Variants in LRRCC1 observed in about 807,000 individuals in gnomAD.
LRRCC1 encodes the protein leucine-rich repeat and coiled-coil domain-containing protein 1.
LRRCC1 carries 115 observed loss-of-function variants against 126.0 expected under a neutral mutation model. The observed-to-expected ratio is 0.91, with a 90% CI of 0.78 to 1.07. The LOEUF is 1.07. Among genes scored for constraint, LRRCC1 ranks in the 50% least tolerant of loss-of-function variants. The pLI is 0.00. For synonymous variants in LRRCC1, 400 were observed against 393.4 expected, an observed-to-expected ratio of 1.02 and a Z score of -0.20; for missense variants, 1,172 against 1,175.7, an observed-to-expected ratio of 1.00 and a Z score of 0.05.
At chr8:85,129,640 T>C (rs901462848) in intron 10 of LRRCC1, among the ~76,000 whole-genome samples, 27 of 152,240 alleles carry the variant, frequency 1.8e-4, no homozygotes, top group Non-Finnish European at 3.8e-4. Context: ...GAGCTGGCTT[T>C]TTAAAAGGCT....
intron 2 of LRRCC1, 149 bp downstream of exon 2, chr8:85,109,949 A>G: frequency 1.6e-6 from 1 of 629,436 alleles, no homozygotes; most frequent in Non-Finnish European, 2.6e-6. Flanking sequence ...AAAAGTGTCA[A>G]TTTTTTAAAA....
At chr8:85,131,690 G>C in intron 11 of LRRCC1, 70 bp from the exon 12 acceptor site, 2 of 1,205,050 alleles carry the variant, frequency 1.7e-6, no homozygotes, top group Non-Finnish European at 2.3e-6. Context: ...TAAGAACTAC[G>C]TAAAGACCTT....
chr8:85,142,928 A>C (rs188307942), intron 18 of LRRCC1, among the ~76,000 whole-genome samples: 2 of 152,216 alleles, frequency 1.3e-5, no homozygotes, highest in African/African-American at 4.8e-5. Flanking sequence ...AAAAAGAGGG[A>C]GTGAGGTCTT....
chr8:85,133,276 G>C (rs1218741750), intron 12 of LRRCC1, among the ~76,000 whole-genome samples: 1 of 152,102 alleles, frequency 6.6e-6, no homozygotes, highest in Non-Finnish European at 1.5e-5. Context: ...TTCTTTGCTT[G>C]GTTTCCAGCA....
At chr8:85,120,508 A>T (rs1275822312) in intron 6 of LRRCC1, among the ~76,000 whole-genome samples, 2 of 152,144 alleles carry the variant, frequency 1.3e-5, no homozygotes, top group African/African-American at 4.8e-5. Flanking sequence ...GTTCCTCTTT[A>T]TCTAACAGCC....
Position 85,130,010 on chromosome 8 carries a change from A to G in LRRCC1, c.1718A>G (p.Gln573Arg), listed in dbSNP as rs762422498. 1 of 1,600,718 alleles carries G rather than the reference A, an allele frequency of 6.2e-7. No homozygotes were observed. Among genetic ancestry groups the G allele is most frequent in the South Asian group, 1.1e-5 (1 of 88,576 alleles). ...LRTSLHRERE[Q>R]AQQLHQLLAL... ...ACTTCCCTTCATCGAGAAAGAGAAC[A>G]AGCGCAACAACTTCATCAACTTCTT... The change falls in exon 11 of 19, where the codon CAA becomes CGA. Residue 573 changes from glutamine (Q) to arginine (R), a missense_variant. Physicochemically the swap from Gln to Arg is conservative, Grantham distance 43 (BLOSUM62 1). Transcript: ENST00000360375.
At chr8:85,118,914 C>A (rs1283904874) in intron 6 of LRRCC1, among the ~76,000 whole-genome samples, 2 of 151,852 alleles carry the variant, frequency 1.3e-5, no homozygotes, top group African/African-American at 4.8e-5. Context: ...TTGTTTTCTG[C>A]AACTTTAAAA....
chr8:85,115,358 T>C lies in LRRCC1; in HGVS notation c.721-17T>C. ...GAATATAAATTAAAAGGATTTTGGT[T>C]TGTTTCTGTGTCATAGATCATTGAT... On this transcript the variant is annotated splice_polypyrimidine_tract_variant and intron_variant, in intron 5 of 18. Transcript: ENST00000360375. 1 of 1,597,434 alleles carries C rather than the reference T, an allele frequency of 6.3e-7. No individual in the cohort carries two copies. The highest frequency in any genetic ancestry group is 1.1e-5 in the South Asian group (1 of 87,922).
intron 6 of LRRCC1, among the ~76,000 whole-genome samples, chr8:85,121,378 C>T (rs1232112151): frequency 6.6e-6 from 1 of 151,950 alleles, no homozygotes; most frequent in Non-Finnish European, 1.5e-5. Flanking sequence ...TCCTTTCCTA[C>T]TTTCTGTTGG....
Position 85,145,768 on chromosome 8 carries a change from ATTGT to A in LRRCC1, c.*261_*264del, listed in dbSNP as rs1197522395. ...TATTTTTCTTGTTTCTGTACTATAC[ATTGT>A]TTGGTAATTACACATTTGCCTACAA... On this transcript the variant is annotated 3_prime_UTR_variant, in exon 19 of 19. Coordinates refer to ENST00000360375, the MANE Select transcript of LRRCC1 (RefSeq NM_033402.5). 14 of 196,426 alleles carry A rather than the reference ATTGT, an allele frequency of 7.1e-5. No individual in the cohort carries two copies. The highest frequency in any genetic ancestry group is 1.2e-4 in the Admixed American group (2 of 16,328). 12.2% of individuals were successfully genotyped at this position (196,426 alleles called of 1,614,324 possible). A position where few individuals can be genotyped will look rare whatever the true frequency, so the allele number is the denominator to read the frequency against.
intron 6 of LRRCC1, among the ~76,000 whole-genome samples, chr8:85,122,347 C>T (rs984030918): frequency 6.6e-6 from 1 of 152,166 alleles, no homozygotes; most frequent in African/African-American, 2.4e-5. Context: ...GCTCCATTCT[C>T]TCTTCTCTTT....
Position 85,145,955 on chromosome 8 carries a change from CTGTATGATAAAAGA to C in LRRCC1, c.*448_*461del. ...TATGTAGCCAAAAAGCATTTGAAAT[CTGTATGATAAAAGA>C]TGTGGCATTCTTAAGAAAGTATATG... On this transcript the variant is annotated 3_prime_UTR_variant, in exon 19 of 19. Coordinates refer to ENST00000360375, the MANE Select transcript of LRRCC1 (RefSeq NM_033402.5). 1 of 152,534 alleles carries C rather than the reference CTGTATGATAAAAGA, an allele frequency of 6.6e-6. No homozygotes were observed. The highest frequency in any genetic ancestry group is 6.5e-5 in the Admixed American group (1 of 15,298). 9.4% of individuals were successfully genotyped at this position (152,534 alleles called of 1,614,324 possible). A position where few individuals can be genotyped will look rare whatever the true frequency, so the allele number is the denominator to read the frequency against.
chr8:85,112,832 CCGTTT>C lies in LRRCC1; in HGVS notation c.377-99_377-95del, dbSNP rs1243923279. ...TGTTCACAGCAAGATCTAATGCTGC[CCGTTT>C]GCCTCTAAAAGTATAACCTATCTAG... On this transcript the variant is annotated intron_variant, in intron 3 of 18. Transcript: ENST00000360375. The C allele has an allele frequency of 8.2e-6, 6 of 732,966 alleles. No homozygotes were observed. The African/African-American group carries it at 1.1e-4, about 13-fold the overall frequency. The allele number at this position is 732,966 out of a possible 1,614,324, so 45.4% of individuals were successfully genotyped here.
At chr8:85,133,321 C>T (rs1046456885) in intron 12 of LRRCC1, among the ~76,000 whole-genome samples, 8 of 152,152 alleles carry the variant, frequency 5.3e-5, no homozygotes, top group Admixed American at 2.6e-4. Context: ...CTTTCCATTA[C>T]GTCACTTCTT....
At position 85,107,342 on chromosome 8, in the gene LRRCC1, A is replaced by G. The variant is rs1317203764; in HGVS notation, c.47A>G (p.Asn16Ser). ...GTGGCGGCAGAGGCGGAAGTGGAAA[A>G]CGAAGACGGCGACAGCAGCTGCGGG... ...AVVAAEAEVE[N>S]EDGDSSCGDV... Residue 16 changes from asparagine to serine, a missense_variant, in exon 1 of 19, where the codon AAC (asparagine) becomes AGC (serine). Transcript: ENST00000360375. 4 of 1,613,668 alleles carry G rather than the reference A, an allele frequency of 2.5e-6. No individual in the cohort carries two copies. The African/African-American group carries it at 5.3e-5, about 22-fold the overall frequency.
At chr8:85,131,684 A>G in intron 11 of LRRCC1, 76 bp from the exon 12 acceptor site, 1 of 1,091,722 alleles carries the variant, frequency 9.2e-7, no homozygotes, top group Non-Finnish European at 1.3e-6. Context: ...GAATATTAAG[A>G]ACTACGTAAA....
chr8:85,125,903 A>G (rs1430773115), intron 8 of LRRCC1, among the ~76,000 whole-genome samples: 1 of 152,084 alleles, frequency 6.6e-6, no homozygotes, highest in Non-Finnish European at 1.5e-5. Context: ...TTGAAAAATA[A>G]TAATTATCAT....
At position 85,107,338 on chromosome 8, in the gene LRRCC1, G is replaced by A; in HGVS notation, c.43G>A (p.Glu15Lys). The change falls in exon 1 of 19, where the codon GAA becomes AAA. Residue 15 changes from glutamate to lysine, a missense_variant. By Grantham distance (56) the Glu-to-Lys change is moderately conservative (BLOSUM62 1). Coordinates refer to ENST00000360375, the MANE Select transcript of LRRCC1 (RefSeq NM_033402.5). ...GGTGGTGGCGGCAGAGGCGGAAGTG[G>A]AAAACGAAGACGGCGACAGCAGCTG... ...AAVVAAEAEV[E>K]NEDGDSSCGD... The A allele has an allele frequency of 1.2e-6, 2 of 1,613,810 alleles. No individual in the cohort carries two copies. The highest frequency in any genetic ancestry group is 1.7e-6 in the Non-Finnish European group (2 of 1,179,816).
chr8:85,130,514 G>A (rs1052898613), intron 11 of LRRCC1, among the ~76,000 whole-genome samples: 4 of 152,046 alleles, frequency 2.6e-5, no homozygotes, highest in African/African-American at 7.2e-5. Context: ...GGAAAATGCC[G>A]TGTTCATGTA....
Sources: gnomAD v4.1 joint callset for allele counts (sites outside exome capture counted in the v4.1 genomes callset) on GRCh38, gnomAD v4.1.1 for gene constraint, MANE v1.5 for transcripts, NCBI Gene and HGNC (gene_info 2026-07-23, HGNC 2026-07-21) for gene names.